The following ANKRD30A variants were observed in gnomAD, a reference collection of about 807,000 sequenced individuals.
ANKRD30A encodes the protein ankyrin repeat domain-containing protein 30A.
A neutral mutation model predicts 166.3 loss-of-function variants in ANKRD30A; 170 were observed. The observed-to-expected ratio is 1.02, with a 90% CI of 0.90 to 1.16. The LOEUF is 1.16. Ranked by LOEUF, ANKRD30A falls within the 50% of genes most tolerant of loss-of-function variation. ANKRD30A has a pLI of 0.00. For missense variants in ANKRD30A, 1,630 were observed against 1,518.0 expected, an observed-to-expected ratio of 1.07 and a Z score of -1.23; for synonymous variants, 564 against 508.9, an observed-to-expected ratio of 1.11 and a Z score of -1.46.
intron 31 of ANKRD30A, among the ~76,000 whole-genome samples, chr10:37,207,480 A>G (rs1842061158): frequency 6.6e-6 from 1 of 152,000 alleles, no homozygotes; most frequent in African/African-American, 2.4e-5. Context: ...TTTGTCACTT[A>G]AAAATTTTAA....
intron 15 of ANKRD30A, among the ~76,000 whole-genome samples, chr10:37,158,957 T>G (rs567893988): frequency 1.3e-5 from 2 of 152,324 alleles, no homozygotes; most frequent in East Asian, 3.9e-4. Flanking sequence ...TTTCACTTGC[T>G]GACATGACAG....
chr10:37,205,819 C>G (rs1841956033), intron 31 of ANKRD30A, among the ~76,000 whole-genome samples: 1 of 152,144 alleles, frequency 6.6e-6, no homozygotes, highest in African/African-American at 2.4e-5. Context: ...ATTCAGCAGA[C>G]TTGAGGTCAT....
At chr10:37,235,036 C>A (rs1158241459), downstream of ANKRD30A, among the ~76,000 whole-genome samples, 2 of 152,178 alleles carry the variant, frequency 1.3e-5, no homozygotes, top group African/African-American at 2.4e-5. Flanking sequence ...TGAATTTTAA[C>A]TCTAATCAAA....
intron 7 of ANKRD30A, among the ~76,000 whole-genome samples, chr10:37,144,545 AT>A (rs1440334419): frequency 6.6e-6 from 1 of 152,196 alleles, no homozygotes; most frequent in Non-Finnish European, 1.5e-5. Context: ...AAAAGTTAAT[AT>A]TTTGAAGCAT....
chr10:37,219,283 C>T lies in ANKRD30A; in HGVS notation c.3571C>T (p.Leu1191=), dbSNP rs376580286. The T allele has an allele frequency of 1.2e-6, 2 of 1,610,362 alleles. No individual in the cohort carries two copies. Among genetic ancestry groups the T allele is most frequent in the Non-Finnish European group, 1.7e-6 (2 of 1,177,564 alleles). ...KLKEKQDKEI[L]EAEIESHHPR... is the part of the protein sequence containing the mutation. ...GAAGGAAAAACAAGACAAAGAAATA[C>T]TAGAGGCAGAAATTGAATCACACCA... The change falls in exon 34 of 36, where the codon CTA becomes TTA. Residue 1191 remains leucine (L), a synonymous_variant. Coordinates refer to ENST00000361713, the MANE Select transcript of ANKRD30A (RefSeq NM_052997.3).
At chr10:37,161,010 T>C (rs1588833875) in intron 15 of ANKRD30A, among the ~76,000 whole-genome samples, 1 of 152,174 alleles carries the variant, frequency 6.6e-6, no homozygotes, top group Middle Eastern at 3.2e-3. Context: ...TCCCAGCACG[T>C]TGGGAGGCCG....
At chr10:37,153,060 A>G (rs535450576) in intron 12 of ANKRD30A, among the ~76,000 whole-genome samples, 2 of 152,146 alleles carry the variant, frequency 1.3e-5, no homozygotes, top group Non-Finnish European at 2.9e-5. Context: ...ACCGAAAGGA[A>G]GCAGCTTTTT....
chr10:37,257,062 C>G, the ANKRD30A span, among the ~76,000 whole-genome samples: 2 of 152,054 alleles, frequency 1.3e-5, no homozygotes, highest in East Asian at 1.9e-4. Context: ...AATACTGGTT[C>G]TATTTCAGAA....
chr10:37,179,020 AT>A, intron 24 of ANKRD30A, among the ~76,000 whole-genome samples: 1 of 7,896 alleles, frequency 1.3e-4, no homozygotes, highest in East Asian at 3.1e-3. Flanking sequence ...TCAAATATAT[AT>A]ATATATATAT....
At chr10:37,199,857 A>T in intron 30 of ANKRD30A, 69 bp downstream of exon 30, 1 of 986,322 alleles carries the variant, frequency 1.0e-6, no homozygotes, top group Non-Finnish European at 1.5e-6. Context: ...TCAGATGCTT[A>T]GACTTTATTT....
chr10:37,203,059 A>G (rs1841751972), intron 31 of ANKRD30A, among the ~76,000 whole-genome samples: 1 of 152,202 alleles, frequency 6.6e-6, no homozygotes, highest in African/African-American at 2.4e-5. Flanking sequence ...CAGAGGTACA[A>G]GGAGGAGCTG....
chr10:37,177,818 G>A (rs1226186008), intron 24 of ANKRD30A: 2 of 1,325,776 alleles, frequency 1.5e-6, no homozygotes, highest in African/African-American at 1.5e-5. Flanking sequence ...TGATGAGGAA[G>A]GATATCCTCT....
At chr10:37,223,485 G>A (rs1008402908) in intron 34 of ANKRD30A, among the ~76,000 whole-genome samples, 1 of 151,264 alleles carries the variant, frequency 6.6e-6, no homozygotes, top group East Asian at 1.9e-4. Context: ...AACTATTGAT[G>A]ACAATGCTTT....
At chr10:37,233,340 A>G (rs1267532915), downstream of ANKRD30A, among the ~76,000 whole-genome samples, 1 of 152,146 alleles carries the variant, frequency 6.6e-6, no homozygotes, top group East Asian at 1.9e-4. Flanking sequence ...GTACAAAAAG[A>G]GGAAGAATGT....
Position 37,132,310 on chromosome 10 carries a change from A to G in ANKRD30A, c.581A>G (p.Lys194Arg). The change falls in exon 4 of 36, where the codon AAA becomes AGA. Residue 194 changes from lysine (K) to arginine (R), a missense_variant. By Grantham distance (26) the Lys-to-Arg change is conservative. Around this residue, in one of 4 missense-constraint regions of ANKRD30A, gnomAD observed 904 missense variants for 818.5 expected, o/e 1.10. Coordinates refer to ENST00000361713, the MANE Select transcript of ANKRD30A (RefSeq NM_052997.3). Reference protein sequence around the residue: ...SEQIVEFLLIKNANANAVNKY... With the variant: ...SEQIVEFLLIRNANANAVNKY... The stretch of plus-strand genomic sequence containing the variant: ...CAAATTGTGGAATTTTTGCTGATAA[A>G]AAATGCAAATGCGAATGCAGTTAAT... 6.2e-7 allele frequency: 1 copy of G among 1,605,026 alleles called. No homozygotes were observed. The highest frequency in any genetic ancestry group is 8.5e-7 in the Non-Finnish European group (1 of 1,175,680).
intron 34 of ANKRD30A, among the ~76,000 whole-genome samples, chr10:37,224,446 CT>C (rs1357698996): frequency 2.0e-5 from 3 of 150,094 alleles, no homozygotes; most frequent in Non-Finnish European, 4.5e-5. Flanking sequence ...CACTAAACTT[CT>C]GTTGTTTTTG....
the ANKRD30A span, among the ~76,000 whole-genome samples, chr10:37,246,521 G>T: frequency 6.6e-6 from 1 of 152,062 alleles, no homozygotes; most frequent in Admixed American, 6.5e-5. Flanking sequence ...CTATTTCTTT[G>T]CATTTTAATT....
At chr10:37,192,366 T>G (rs554872743) in intron 25 of ANKRD30A, among the ~76,000 whole-genome samples, 73 of 152,124 alleles carry the variant, frequency 4.8e-4, no homozygotes, top group Non-Finnish European at 8.1e-4. Flanking sequence ...TTGATGGGTA[T>G]GCTTGGACCT....
intron 27 of ANKRD30A, among the ~76,000 whole-genome samples, chr10:37,193,982 G>T (rs528094808): frequency 1.3e-5 from 2 of 152,120 alleles, no homozygotes; most frequent in Admixed American, 1.3e-4. Flanking sequence ...ATAAGTTAAG[G>T]TCAGGAGTCC....
Sources: allele counts gnomAD v4.1 joint callset (sites outside exome capture counted in the v4.1 genomes callset), GRCh38; gene constraint gnomAD v4.1.1; regional missense constraint gnomAD v4.1.1; transcripts MANE v1.5; gene names NCBI Gene and HGNC (gene_info 2026-07-23, HGNC 2026-07-21).